The following MAP1S variants were observed in gnomAD, a reference collection of about 807,000 sequenced individuals.
The protein encoded by MAP1S is microtubule-associated protein 1S.
In MAP1S, 27 loss-of-function variants were observed where a neutral mutation model predicts 60.9. The observed-to-expected ratio is 0.44, with a 90% CI of 0.33 to 0.61. The LOEUF (loss-of-function observed/expected upper bound fraction) is 0.61. Ranked by LOEUF, MAP1S falls within the 20% of genes least tolerant of loss-of-function variation. The pLI is 0.03. For missense variants in MAP1S, 1,608 were observed against 1,486.6 expected (o/e 1.08, Z -1.34); for synonymous variants, 826 against 694.2 (o/e 1.19, Z -2.98).
Position 17,725,797 on chromosome 19 carries a change from A to G in MAP1S, c.445-32A>G. The G allele has an allele frequency of 6.3e-7, 1 of 1,582,864 alleles. No homozygotes were observed. The highest frequency in any genetic ancestry group is 8.6e-7 in the Non-Finnish European group (1 of 1,165,336). On this transcript the variant is annotated intron_variant, in intron 4 of 6. Transcript: ENST00000324096. This position sits in a 1 kb window ranked among gnomAD's most constrained non-coding sequence, Gnocchi z 4.2. ...ACCGGGCTAGGTGTTGCCTGGCTCT[A>G]GGTGGTCCCTTACCACTCCTCCTCC...
At position 17,727,011 on chromosome 19, in the gene MAP1S, C is replaced by A. The variant is rs780689038; in HGVS notation, c.1627C>A (p.Arg543=). The change falls in exon 5 of 7, where the codon CGG becomes AGG. Residue 543 remains arginine, a synonymous_variant. Transcript: ENST00000324096. This position sits in a 1 kb window ranked among gnomAD's most constrained non-coding sequence, Gnocchi z 4.1. Reference sequence around the variant, plus strand: ...CCGGACCCAGCCGCGGGAGGTGCGCCGGGCAGCCTCTTCTGTGCCCAACCT... The same window carrying A: ...CCGGACCCAGCCGCGGGAGGTGCGCAGGGCAGCCTCTTCTGTGCCCAACCT... ...VSRTQPREVR[R]AASSVPNLKK... The A allele has an allele frequency of 1.9e-6, 3 of 1,586,318 alleles. No homozygotes were observed. Among genetic ancestry groups the A allele is most frequent in the East Asian group, 2.3e-5 (1 of 43,428 alleles).
Position 17,726,724 on chromosome 19 carries a change from G to T in MAP1S, c.1340G>T (p.Arg447Leu). The T allele has an allele frequency of 6.3e-7, 1 of 1,589,458 alleles. No individual in the cohort carries two copies. The highest frequency in any genetic ancestry group is 8.5e-7 in the Non-Finnish European group (1 of 1,171,434). ...PPACLLDGLVRLQHLRFLREP... is the reference protein window; with the variant it reads ...PPACLLDGLVLLQHLRFLREP... ...GCCTGCCTCCTGGACGGCCTGGTCCGCCTGCAGCACTTGAGGTTCCTGCGA... is the reference window on the plus strand; with the variant it reads ...GCCTGCCTCCTGGACGGCCTGGTCCTCCTGCAGCACTTGAGGTTCCTGCGA... The change falls in exon 5 of 7, where the codon CGC (arginine) becomes CTC (leucine). Residue 447 changes from arginine to leucine, a missense_variant. Physicochemically the swap from Arg to Leu is moderately radical, Grantham distance 102. Transcript: ENST00000324096.
At position 17,726,596 on chromosome 19, in the gene MAP1S, C is replaced by T. The variant is rs374141963; in HGVS notation, c.1212C>T (p.Gly404=). The T allele has an allele frequency of 6.0e-5, 95 of 1,572,388 alleles. 1 individual carries two copies. In the African/African-American group the frequency reaches 1.1e-3, roughly 18 times the overall value. Residue 404 remains glycine, a synonymous_variant, in exon 5 of 7, where the codon GGC becomes GGT. Coordinates refer to ENST00000324096, the MANE Select transcript of MAP1S (RefSeq NM_018174.6). ...DMYVLHPPSA[G]AERTLASVCA... ...ATGTGCTGCACCCGCCCTCCGCCGG[C>T]GCCGAGCGCACGCTGGCCTCTGTGT...
chr19:17,723,707 G>A (rs918827208), intron 2 of MAP1S, among the ~76,000 whole-genome samples: 1 of 152,028 alleles, frequency 6.6e-6, no homozygotes, highest in Non-Finnish European at 1.5e-5. Context: ...AAACTTAGCC[G>A]GGTGTGGTGG....
chr19:17,730,843 T>C (rs750513600), intron 5 of MAP1S, among the ~76,000 whole-genome samples: 2 of 152,102 alleles, frequency 1.3e-5, no homozygotes, highest in African/African-American at 4.8e-5. Flanking sequence ...GCACTTTTGA[T>C]GTCAGACCCA....
rs777120532 is a variant in MAP1S at position 17,727,537 on chromosome 19, G to A, written c.2153G>A (p.Ser718Asn). The change falls in exon 5 of 7, where the codon AGC becomes AAC. Residue 718 changes from serine to asparagine, a missense_variant. Coordinates refer to ENST00000324096, the MANE Select transcript of MAP1S (RefSeq NM_018174.6). The surrounding 1 kb of genome is among the most constrained non-coding windows in gnomAD (Gnocchi z 4.1). ...PSAPTSEAGL[S>N]LPLRGPRARR... The stretch of plus-strand genomic sequence containing the variant: ...GCCCCCACCAGTGAGGCTGGGCTGA[G>A]CCTCCCGCTGCGTGGCCCCCGGGCG... 1 of 1,609,430 alleles carries A rather than the reference G, an allele frequency of 6.2e-7. No individual in the cohort carries two copies. The highest frequency in any genetic ancestry group is 1.1e-5 in the South Asian group (1 of 90,962).
At chr19:17,722,124 C>T (rs1007389720) in intron 2 of MAP1S, among the ~76,000 whole-genome samples, 1 of 152,300 alleles carries the variant, frequency 6.6e-6, no homozygotes, top group African/African-American at 2.4e-5. Context: ...CCTTGATTTC[C>T]CCACCTGAAT....
Position 17,727,164 on chromosome 19 carries a change from C to T in MAP1S, c.1780C>T (p.Pro594Ser). Residue 594 changes from proline (P) to serine (S), a missense_variant, in exon 5 of 7, where the codon CCC (proline) becomes TCC (serine). Pro to Ser is a moderately conservative substitution (Grantham distance 74). Coordinates refer to ENST00000324096, the MANE Select transcript of MAP1S (RefSeq NM_018174.6). This position sits in a 1 kb window ranked among gnomAD's most constrained non-coding sequence, Gnocchi z 4.1. ...CCTCCGATGTGGAGAAGCCAGCCCC[C>T]CCAGTGCAGCCTGCGGCTCTCCGGC... ...PSLRCGEASP[P>S]SAACGSPASQ... 6.3e-7 allele frequency: 1 copy of T among 1,587,300 alleles called. No homozygotes were observed. The highest frequency in any genetic ancestry group is 8.5e-7 in the Non-Finnish European group (1 of 1,170,122).
intron 2 of MAP1S, chr19:17,721,264 C>A: frequency 1.8e-6 from 1 of 550,316 alleles, no homozygotes; most frequent in Non-Finnish European, 3.3e-6. Context: ...AGGAAATTGG[C>A]ATTGAAGGGG....
chr19:17,732,897 T>G, intron 5 of MAP1S: 2 of 403,658 alleles, frequency 5.0e-6, no homozygotes, highest in Non-Finnish European at 4.4e-6. Context: ...GAGTGAAGAG[T>G]CACTGGAGTC....
chr19:17,722,612 GGT>G (rs972808080), intron 2 of MAP1S, among the ~76,000 whole-genome samples: 4 of 152,012 alleles, frequency 2.6e-5, no homozygotes, highest in African/African-American at 9.7e-5. Flanking sequence ...AGCTGGTTGT[GGT>G]GGCAAGCGCC....
intron 2 of MAP1S, among the ~76,000 whole-genome samples, chr19:17,723,019 C>G (rs1382764867): frequency 6.6e-6 from 1 of 152,166 alleles, no homozygotes; most frequent in Admixed American, 6.5e-5. Flanking sequence ...CACCGGCCCC[C>G]ACCCCGGCTC....
chr19:17,723,414 G>A (rs12984312), intron 2 of MAP1S, among the ~76,000 whole-genome samples: 31,137 of 151,914 alleles, frequency 0.2, 4,146 homozygotes, highest in Non-Finnish European at 0.29. Flanking sequence ...GGGGCGTGGT[G>A]GCGTGTGCCT....
chr19:17,725,304 C>T lies in MAP1S; in HGVS notation c.444+115C>T, dbSNP rs894211854. 2 of 1,257,170 alleles carry T rather than the reference C, an allele frequency of 1.6e-6. No individual in the cohort carries two copies. Among genetic ancestry groups the T allele is most frequent in the Non-Finnish European group, 2.2e-6 (2 of 916,410 alleles). 77.9% of individuals were successfully genotyped at this position (1,257,170 alleles called of 1,614,324 possible). ...TTCCATGGCCTGGTCTCCCCATCCT[C>T]TGTAGGATGGCAGTGGTGACACATG... On this transcript the variant is annotated intron_variant, in intron 4 of 6. Coordinates refer to ENST00000324096, the MANE Select transcript of MAP1S (RefSeq NM_018174.6). The surrounding 1 kb of genome is among the most constrained non-coding windows in gnomAD (Gnocchi z 4.2).
At chr19:17,721,968 C>A (rs928167538) in intron 2 of MAP1S, among the ~76,000 whole-genome samples, 1 of 152,138 alleles carries the variant, frequency 6.6e-6, no homozygotes, top group South Asian at 2.1e-4. Flanking sequence ...AGTCACCTCC[C>A]GGCTGCTGCT....
At chr19:17,719,969 A>G (rs1012546164) in intron 1 of MAP1S, 10 of 293,932 alleles carry the variant, frequency 3.4e-5, no homozygotes, top group Non-Finnish European at 5.1e-5. Context: ...GCCCGGGGGT[A>G]GGGCCTGGGG....
intron 5 of MAP1S, chr19:17,728,623 T>A (rs2080465414): frequency 6.5e-6 from 1 of 154,412 alleles, no homozygotes; most frequent in African/African-American, 2.4e-5. Flanking sequence ...TGGCACGATC[T>A]TGGCTGACTG....
intron 2 of MAP1S, chr19:17,721,566 C>T (rs541652713): frequency 1.3e-4 from 25 of 189,850 alleles, no homozygotes; most frequent in Middle Eastern, 2.5e-3. Context: ...CCCAGCTACT[C>T]GGGAGGCTGA....
chr19:17,730,348 G>A (rs1050815244), intron 5 of MAP1S, among the ~76,000 whole-genome samples: 87 of 152,028 alleles, frequency 5.7e-4, no homozygotes, highest in Non-Finnish European at 1.5e-4. Context: ...ACAGGGTCTC[G>A]GTCTGTTACC....
Sources: gnomAD v4.1 joint callset for allele counts (sites outside exome capture counted in the v4.1 genomes callset) on GRCh38, gnomAD v4.1.1 for gene constraint, Gnocchi (gnomAD v3.1) non-coding constraint, MANE v1.5 for transcripts, NCBI Gene and HGNC (gene_info 2026-07-23, HGNC 2026-07-21) for gene names.